Variants in ABCB1 observed in about 807,000 individuals in gnomAD.
The protein encoded by ABCB1 is ATP-dependent translocase ABCB1.
A neutral mutation model predicts 142.0 loss-of-function variants in ABCB1; 69 were observed. The ratio of observed to expected loss-of-function variants is 0.49; its 90% confidence interval spans 0.40 to 0.59. ABCB1 has a LOEUF of 0.59. Ranked by LOEUF, ABCB1 falls within the 20% of genes least tolerant of loss-of-function variation. ABCB1 has a pLI of 0.00. For synonymous variants in ABCB1, 532 were observed against 539.2 expected (o/e 0.99, Z 0.18); for missense variants, 1,326 against 1,554.7 (o/e 0.85, Z 2.47).
intron 1 of ABCB1, among the ~76,000 whole-genome samples, chr7:87,711,594 A>G (rs571329671): frequency 6.6e-6 from 1 of 152,244 alleles, no homozygotes; most frequent in South Asian, 2.1e-4. Context: ...AAGTATTTGT[A>G]AATGAAAAGA....
chr7:87,577,114 A>G (rs376262392), intron 4 of ABCB1, among the ~76,000 whole-genome samples: 3 of 152,052 alleles, frequency 2.0e-5, no homozygotes, highest in Admixed American at 6.6e-5. Context: ...TACTATCTCT[A>G]TAAGTCCAAT....
At chr7:87,608,713 CAAAT>C (rs1047247212) in intron 1 of ABCB1, among the ~76,000 whole-genome samples, 3 of 152,216 alleles carry the variant, frequency 2.0e-5, no homozygotes, top group Non-Finnish European at 4.4e-5. Flanking sequence ...TGTTTAATCT[CAAAT>C]GAACTCTCTC....
At chr7:87,683,525 A>G (rs1827143227) in intron 1 of ABCB1, among the ~76,000 whole-genome samples, 1 of 152,132 alleles carries the variant, frequency 6.6e-6, no homozygotes, top group South Asian at 2.1e-4. Flanking sequence ...GTTGTGTCTC[A>G]AGGGAATAGG....
At chr7:87,551,356 G>A (rs550297135) in intron 9 of ABCB1, among the ~76,000 whole-genome samples, 29 of 152,332 alleles carry the variant, frequency 1.9e-4, no homozygotes, top group African/African-American at 6.7e-4. Context: ...AAGGTGTCAA[G>A]TGAGGAGATA....
chr7:87,509,311 C>T lies in ABCB1; in HGVS notation c.3453G>A (p.Glu1151=), dbSNP rs1213324901. 1 of 1,614,172 alleles carries T rather than the reference C, an allele frequency of 6.2e-7. No homozygotes were observed. The highest frequency in any genetic ancestry group is 8.5e-7 in the Non-Finnish European group (1 of 1,180,032). The part of the protein sequence containing the change: ...SQEEIVRAAK[E]ANIHAFIESL... ...ACTCGATGAAGGCATGTATGTTGGC[C>T]TCCTTTGCTGCCCTCACAATCTCTT... Residue 1151 remains glutamate, a synonymous_variant, in exon 26 of 28, where the codon GAG becomes GAA. Coordinates refer to ENST00000622132, the MANE Select transcript of ABCB1 (RefSeq NM_001348946.2).
chr7:87,610,625 T>C (rs1381801873), intron 1 of ABCB1, among the ~76,000 whole-genome samples: 1 of 152,134 alleles, frequency 6.6e-6, no homozygotes, highest in African/African-American at 2.4e-5. Context: ...CTTGTTACCA[T>C]TGCATCATGT....
intron 4 of ABCB1, among the ~76,000 whole-genome samples, chr7:87,583,010 T>A (rs1206074992): frequency 6.6e-6 from 1 of 152,222 alleles, no homozygotes; most frequent in Non-Finnish European, 1.5e-5. Flanking sequence ...CTGAGTAACT[T>A]TGGGTATGTC....
chr7:87,579,188 T>G (rs1159990948), intron 4 of ABCB1, among the ~76,000 whole-genome samples: 1 of 152,240 alleles, frequency 6.6e-6, no homozygotes, highest in Non-Finnish European at 1.5e-5. Flanking sequence ...TTTGACTTCT[T>G]CCTTTCCAAT....
chr7:87,704,552 A>G (rs1277825222), intron 1 of ABCB1, among the ~76,000 whole-genome samples: 1 of 152,226 alleles, frequency 6.6e-6, no homozygotes, highest in Non-Finnish European at 1.5e-5. Context: ...CTAGCTGACC[A>G]ACTCTCTTAA....
At chr7:87,576,234 C>A (rs1818270874) in intron 4 of ABCB1, among the ~76,000 whole-genome samples, 1 of 151,506 alleles carries the variant, frequency 6.6e-6, no homozygotes, top group African/African-American at 2.4e-5. Context: ...GCTTGAAAAC[C>A]CTTAACCAAA....
chr7:87,594,707 G>A (rs1351991517), intron 3 of ABCB1, among the ~76,000 whole-genome samples: 2 of 152,152 alleles, frequency 1.3e-5, no homozygotes, highest in Non-Finnish European at 2.9e-5. Flanking sequence ...CGTAGAGATA[G>A]AATAAAAGCA....
At position 87,520,793 on chromosome 7, in the gene ABCB1, A is replaced by T. The variant is rs1481562306; in HGVS notation, c.2769T>A (p.Ser923Arg). The change falls in exon 22 of 28, where the codon AGT (serine) becomes AGA (arginine). Residue 923 changes from serine (S) to arginine (R), a missense_variant. Transcript: ENST00000622132. The stretch of plus-strand genomic sequence containing the variant: ...GTTATTACCTGTATGGTACCTGCAA[A>T]CTCTGAGCATACATATGTTCAAACT... ...EQKFEHMYAQSLQVPYRNSLR... is the reference protein window; with the variant it reads ...EQKFEHMYAQRLQVPYRNSLR... 1.2e-6 allele frequency: 2 copies of T among 1,613,724 alleles called. No individual in the cohort carries two copies. The highest frequency in any genetic ancestry group is 3.3e-5 in the Admixed American group (2 of 59,984).
Position 87,549,642 on chromosome 7 carries a change from T to A in ABCB1, c.1555-124A>T, listed in dbSNP as rs1387659216. On this transcript the variant is annotated intron_variant, in intron 13 of 27. Transcript: ENST00000622132. Reference sequence around the variant, plus strand: ...AGTAATACAGGTCCAGTTCTTTAAATCTTATTTAACACAATAACCAACCTC... The same window carrying A: ...AGTAATACAGGTCCAGTTCTTTAAAACTTATTTAACACAATAACCAACCTC... 2.0e-6 allele frequency: 3 copies of A among 1,492,460 alleles called. No individual in the cohort carries two copies. Among genetic ancestry groups the A allele is most frequent in the East Asian group, 2.3e-5 (1 of 43,894 alleles). 92.5% of individuals were successfully genotyped at this position (1,492,460 alleles called of 1,614,324 possible). A position where few individuals can be genotyped will look rare whatever the true frequency, so the allele number is the denominator to read the frequency against.
intron 3 of ABCB1, among the ~76,000 whole-genome samples, chr7:87,587,598 G>A (rs1329982337): frequency 2.6e-5 from 4 of 152,178 alleles, no homozygotes; most frequent in Admixed American, 6.5e-5. Flanking sequence ...GTAGCTGGGT[G>A]CAGTGGCTCA....
intron 23 of ABCB1, chr7:87,518,909 G>A (rs1815366609): frequency 5.8e-6 from 1 of 173,862 alleles, no homozygotes; most frequent in Non-Finnish European, 1.2e-5. Context: ...TCAAGGGAAA[G>A]TAAACATATC....
intron 20 of ABCB1, among the ~76,000 whole-genome samples, chr7:87,534,646 G>A (rs1271896236): frequency 6.6e-6 from 1 of 152,066 alleles, no homozygotes; most frequent in African/African-American, 2.4e-5. Flanking sequence ...GGGCATGGCA[G>A]CTCACACCTG....
intron 1 of ABCB1, among the ~76,000 whole-genome samples, chr7:87,670,083 TC>T (rs1438034626): frequency 6.6e-6 from 1 of 152,170 alleles, no homozygotes; most frequent in Non-Finnish European, 1.5e-5. Context: ...GTTTTCTTTC[TC>T]CCCCTCCCTT....
chr7:87,572,670 G>A lies in ABCB1; in HGVS notation c.287-2447C>T, dbSNP rs193057712. On this transcript the variant is annotated intron_variant, in intron 4 of 27. Coordinates refer to ENST00000622132, the MANE Select transcript of ABCB1 (RefSeq NM_001348946.2). ...CCTAAATGCCAATCAATGACAGACT[G>A]GATAAAGAAAATGTGGTACATAGAT... 2.7e-3 allele frequency among the ~76,000 whole-genome samples: 406 copies of A among 152,266 alleles called. 2 individuals carry two copies. The highest frequency in any genetic ancestry group is 4.3e-3 in the Admixed American group (65 of 15,288).
chr7:87,575,744 C>G (rs959998994), intron 4 of ABCB1, among the ~76,000 whole-genome samples: 1 of 152,118 alleles, frequency 6.6e-6, no homozygotes, highest in Non-Finnish European at 1.5e-5. Context: ...GAACTACAGT[C>G]TTTTTATGTG....
Sources: gnomAD v4.1 joint callset for allele counts (sites outside exome capture counted in the v4.1 genomes callset) on GRCh38, gnomAD v4.1.1 for gene constraint, MANE v1.5 for transcripts, NCBI Gene and HGNC (gene_info 2026-07-23, HGNC 2026-07-21) for gene names.